Variants in ACTR3C observed in about 807,000 individuals in gnomAD.
ACTR3C encodes actin-related protein 3C.
ACTR3C carries 18 observed loss-of-function variants against 26.3 expected under a neutral mutation model. The ratio of observed to expected loss-of-function variants is 0.68; its 90% CI spans 0.47 to 1.01. The LOEUF (loss-of-function observed/expected upper bound fraction) is 1.01, where lower values mean the gene tolerates loss of function less well. Ranked by LOEUF, ACTR3C falls within the 50% of genes least tolerant of loss-of-function variation. ACTR3C has a pLI of 0.00. For missense variants in ACTR3C, 184 were observed against 250.7 expected, an observed-to-expected ratio of 0.73 and a Z score of 1.80; for synonymous variants, 55 against 94.5, an observed-to-expected ratio of 0.58 and a Z score of 2.42.
chr7:150,049,145 C>T, the ACTR3C span, among the ~76,000 whole-genome samples: 2 of 152,062 alleles, frequency 1.3e-5, no homozygotes, highest in African/African-American at 4.8e-5. Flanking sequence ...TCCAGCGCCC[C>T]TGTGTGGACA....
chr7:149,945,321 A>AGGGTCTTGGGGCAC, the ACTR3C span, among the ~76,000 whole-genome samples: 2 of 66,010 alleles, frequency 3.0e-5, no homozygotes, highest in Admixed American at 1.6e-4. Context: ...ATCAGTGACA[A>AGGGTCTTGGGGCAC]CCTCCCAGCA....
the ACTR3C span, among the ~76,000 whole-genome samples, chr7:150,228,445 A>G: frequency 6.6e-6 from 1 of 152,244 alleles, no homozygotes; most frequent in Admixed American, 6.5e-5. Flanking sequence ...TTCCCAATAT[A>G]ATTACATTAA....
At chr7:150,007,292 T>C in the ACTR3C span, among the ~76,000 whole-genome samples, 13 of 152,206 alleles carry the variant, frequency 8.5e-5, no homozygotes, top group African/African-American at 2.6e-4. Context: ...GGCATAGAAA[T>C]GGAGGAGAAG....
At chr7:149,945,448 GCTTT>G in the ACTR3C span, among the ~76,000 whole-genome samples, 2 of 152,188 alleles carry the variant, frequency 1.3e-5, no homozygotes, top group Non-Finnish European at 2.9e-5. Context: ...AGACCAAAAT[GCTTT>G]CTAAGAAGTG....
At chr7:150,258,785 G>T (rs1263087064) in intron 6 of ACTR3C, among the ~76,000 whole-genome samples, 4 of 150,630 alleles carry the variant, frequency 2.7e-5, no homozygotes, top group African/African-American at 9.7e-5. Context: ...CAGCAAGGGT[G>T]ATCCCTGTTA....
At chr7:149,980,286 G>A in the ACTR3C span, among the ~76,000 whole-genome samples, 2 of 152,212 alleles carry the variant, frequency 1.3e-5, no homozygotes, top group Non-Finnish European at 2.9e-5. Context: ...ATTTATTAAA[G>A]ACCAAATACT....
the ACTR3C span, among the ~76,000 whole-genome samples, chr7:150,094,088 G>A: frequency 5.3e-5 from 8 of 150,466 alleles, no homozygotes; most frequent in African/African-American, 1.5e-4. Context: ...CTTTCAACTC[G>A]GGCCACGTGG....
At chr7:150,171,442 T>G in the ACTR3C span, among the ~76,000 whole-genome samples, 3 of 151,006 alleles carry the variant, frequency 2.0e-5, no homozygotes, top group South Asian at 6.2e-4. Flanking sequence ...TTCAAGGGAA[T>G]GAGAATAAAA....
chr7:150,083,763 T>C, the ACTR3C span, among the ~76,000 whole-genome samples: 10 of 152,326 alleles, frequency 6.6e-5, no homozygotes, highest in African/African-American at 2.4e-4. Flanking sequence ...CCCACCTACT[T>C]CTTGGAAACA....
chr7:150,155,541 G>C, the ACTR3C span, among the ~76,000 whole-genome samples: 2 of 151,928 alleles, frequency 1.3e-5, no homozygotes, highest in Admixed American at 1.3e-4. Context: ...TAAGTTTTGT[G>C]ACCTTAAGAG....
At chr7:150,139,722 C>T in the ACTR3C span, among the ~76,000 whole-genome samples, 4 of 152,300 alleles carry the variant, frequency 2.6e-5, no homozygotes, top group African/African-American at 7.2e-5. Flanking sequence ...ACATACCTGC[C>T]ATGCCCAATA....
chr7:150,225,269 T>C, the ACTR3C span, among the ~76,000 whole-genome samples: 1 of 152,210 alleles, frequency 6.6e-6, no homozygotes, highest in African/African-American at 2.4e-5. Context: ...AATGGTAATG[T>C]ATTTGTACAT....
the ACTR3C span, among the ~76,000 whole-genome samples, chr7:149,895,980 T>A: frequency 1.4e-5 from 2 of 148,074 alleles, no homozygotes; most frequent in African/African-American, 2.5e-5. Context: ...GGCAGATTGC[T>A]TAAGTCTGGG....
the ACTR3C span, among the ~76,000 whole-genome samples, chr7:149,972,436 C>T: frequency 3.9e-5 from 6 of 152,242 alleles, no homozygotes; most frequent in Non-Finnish European, 8.8e-5. Context: ...CATCTGCCTG[C>T]TCCCACAGTG....
the ACTR3C span, among the ~76,000 whole-genome samples, chr7:150,070,617 A>G: frequency 6.6e-6 from 1 of 151,350 alleles, no homozygotes; most frequent in Admixed American, 6.6e-5. Context: ...CGCCTGGCTA[A>G]TTCTTTTATT....
At chr7:149,939,770 C>T in the ACTR3C span, among the ~76,000 whole-genome samples, 1 of 145,348 alleles carries the variant, frequency 6.9e-6, no homozygotes. Context: ...CCTGTGTGCC[C>T]TTCAGTATCG....
At chr7:150,225,003 TA>T in the ACTR3C span, among the ~76,000 whole-genome samples, 2 of 109,552 alleles carry the variant, frequency 1.8e-5, no homozygotes, top group Non-Finnish European at 3.7e-5. Flanking sequence ...ACACCCCCAT[TA>T]GTGTGTGTGT....
the ACTR3C span, among the ~76,000 whole-genome samples, chr7:149,955,505 TC>T: frequency 6.6e-6 from 1 of 152,050 alleles, no homozygotes; most frequent in South Asian, 2.1e-4. Context: ...GGCATCCCCT[TC>T]ACTGCCTCCA....
chr7:150,019,029 T>C, the ACTR3C span, among the ~76,000 whole-genome samples: 1 of 150,384 alleles, frequency 6.6e-6, no homozygotes, highest in East Asian at 1.9e-4. Context: ...TTTTTCAGAA[T>C]CTCATTGTGG....
Sources: allele counts gnomAD v4.1 joint callset (sites outside exome capture counted in the v4.1 genomes callset), GRCh38; gene constraint gnomAD v4.1.1; transcripts MANE v1.5; gene names NCBI Gene and HGNC (gene_info 2026-07-23, HGNC 2026-07-21).